PTPRA: variants seen among roughly 807,000 people sequenced by gnomAD.
The protein encoded by PTPRA is receptor-type tyrosine-protein phosphatase alpha.
A neutral mutation model predicts 104.8 loss-of-function variants in PTPRA; 25 were observed. The ratio of observed to expected loss-of-function variants is 0.24; its 90% CI spans 0.17 to 0.33. The LOEUF is 0.33. Among genes scored for constraint, PTPRA ranks in the 10% least tolerant of loss-of-function variants. The pLI is 1.00. For synonymous variants in PTPRA, 323 were observed against 368.9 expected (o/e 0.88, Z 1.43); for missense variants, 765 against 1,015.3 (o/e 0.75, Z 3.35).
At chr20:3,016,218 A>G (rs1320158231) in intron 12 of PTPRA, among the ~76,000 whole-genome samples, 2 of 152,186 alleles carry the variant, frequency 1.3e-5, no homozygotes, top group Admixed American at 6.5e-5. Flanking sequence ...CAGAGTTTGA[A>G]TTAGGAATCA....
chr20:2,966,636 A>G (rs2061956369), intron 5 of PTPRA, among the ~76,000 whole-genome samples: 2 of 152,222 alleles, frequency 1.3e-5, no homozygotes, highest in Admixed American at 1.3e-4. Flanking sequence ...ACTGTGTGCT[A>G]GGCATCGTAC....
chr20:2,954,453 G>T (rs924999021), intron 3 of PTPRA, among the ~76,000 whole-genome samples: 5 of 151,080 alleles, frequency 3.3e-5, no homozygotes, highest in African/African-American at 1.2e-4. Context: ...GAACTTCTGA[G>T]CTCAAGTCAT....
At chr20:3,004,283 G>A (rs564683795) in intron 9 of PTPRA, among the ~76,000 whole-genome samples, 1 of 152,340 alleles carries the variant, frequency 6.6e-6, no homozygotes, top group East Asian at 1.9e-4. Context: ...CTCCCAAAGT[G>A]CTGGGATTAC....
chr20:2,900,689 C>G (rs1413114030), intron 1 of PTPRA, among the ~76,000 whole-genome samples: 1 of 151,466 alleles, frequency 6.6e-6, no homozygotes, highest in Non-Finnish European at 1.5e-5. Flanking sequence ...AACCCCATCT[C>G]TACTAAAAAT....
intron 2 of PTPRA, among the ~76,000 whole-genome samples, chr20:2,947,165 T>TTA (rs1290461269): frequency 1.3e-5 from 2 of 152,234 alleles, no homozygotes; most frequent in African/African-American, 4.8e-5. Context: ...TTGCTTTATA[T>TTA]AAGTTCCAGA....
intron 20 of PTPRA, among the ~76,000 whole-genome samples, chr20:3,032,611 C>G (rs981077534): frequency 6.6e-6 from 1 of 151,748 alleles, no homozygotes; most frequent in African/African-American, 2.4e-5. Flanking sequence ...ACTAAAAATA[C>G]AAAAATTAGC....
At chr20:2,910,556 T>C (rs1161231) in intron 1 of PTPRA, among the ~76,000 whole-genome samples, 40,615 of 72,938 alleles carry the variant, frequency 0.56, 13,222 homozygotes, top group East Asian at 0.81. Context: ...GGACTACAGG[T>C]GTGTGCTATC....
upstream of PTPRA, among the ~76,000 whole-genome samples, chr20:2,869,977 A>T (rs982474022): frequency 1.3e-5 from 2 of 150,026 alleles, no homozygotes; most frequent in Non-Finnish European, 3.0e-5. Flanking sequence ...CTGTCTTAAA[A>T]ATATATATAT....
chr20:3,033,077 G>A (rs1042798687), intron 20 of PTPRA, among the ~76,000 whole-genome samples: 2 of 151,830 alleles, frequency 1.3e-5, no homozygotes, highest in Admixed American at 1.3e-4. Context: ...CTAGACTCGG[G>A]CGCTAGCCCA....
intron 2 of PTPRA, among the ~76,000 whole-genome samples, chr20:2,927,230 G>A (rs1466344390): frequency 1.3e-5 from 2 of 152,104 alleles, no homozygotes; most frequent in Non-Finnish European, 2.9e-5. Flanking sequence ...TTATAGCTAA[G>A]TAAATATTGT....
At chr20:2,984,563 A>G (rs990870534) in intron 6 of PTPRA, among the ~76,000 whole-genome samples, 3 of 152,186 alleles carry the variant, frequency 2.0e-5, no homozygotes, top group African/African-American at 7.2e-5. Context: ...GCTACTGCTT[A>G]TGGGTCAGTT....
At chr20:3,009,375 A>C (rs2064047870) in intron 11 of PTPRA, among the ~76,000 whole-genome samples, 1 of 152,126 alleles carries the variant, frequency 6.6e-6, no homozygotes, top group Admixed American at 6.5e-5. Flanking sequence ...TGCTTCAAGT[A>C]GTCAGCCAAG....
At chr20:2,875,728 T>C (rs141110289) in intron 1 of PTPRA, among the ~76,000 whole-genome samples, 1 of 152,308 alleles carries the variant, frequency 6.6e-6, no homozygotes, top group East Asian at 1.9e-4. Context: ...TTATTCCTAC[T>C]CTACAGGGTT....
chr20:2,910,011 C>CAT (rs200690952), intron 1 of PTPRA, among the ~76,000 whole-genome samples: 54,449 of 99,838 alleles, frequency 0.55, 12,964 homozygotes, highest in East Asian at 0.77. Context: ...TATCATATAT[C>CAT]ATATATAATC....
chr20:3,014,351 C>T (rs1600254892), intron 11 of PTPRA, among the ~76,000 whole-genome samples: 1 of 152,250 alleles, frequency 6.6e-6, no homozygotes, highest in East Asian at 1.9e-4. Flanking sequence ...GAAAGTGGCT[C>T]CTCAGACCAG....
chr20:2,993,699 A>G (rs1486374740), intron 9 of PTPRA, among the ~76,000 whole-genome samples: 1 of 152,228 alleles, frequency 6.6e-6, no homozygotes, highest in Non-Finnish European at 1.5e-5. Flanking sequence ...GTTCACATGG[A>G]GACTTCGCCT....
the PTPRA span, chr20:2,864,879 G>A: frequency 9.5e-5 from 145 of 1,532,602 alleles, no homozygotes; most frequent in Non-Finnish European, 1.2e-4. The surrounding 1 kb of genome is among the most constrained non-coding windows in gnomAD (Gnocchi z 5.2). Flanking sequence ...TGACCCTGGC[G>A]ACCCTGGGCA....
intron 11 of PTPRA, among the ~76,000 whole-genome samples, chr20:3,008,284 C>A (rs6138978): frequency 0.2 from 31,094 of 152,038 alleles, 3,617 homozygotes; most frequent in East Asian, 0.39. Context: ...TGTTATTCAG[C>A]CTTTAAAAGG....
chr20:2,910,278 C>T (rs2147211527), intron 1 of PTPRA, among the ~76,000 whole-genome samples: 1 of 99,044 alleles, frequency 1.0e-5, no homozygotes, highest in African/African-American at 3.8e-5. Context: ...GGAGGGTATG[C>T]ATTATATATA....
Sources: allele counts gnomAD v4.1 joint callset (sites outside exome capture counted in the v4.1 genomes callset), GRCh38; gene constraint gnomAD v4.1.1; non-coding constraint Gnocchi (gnomAD v3.1); transcripts MANE v1.5; gene names NCBI Gene and HGNC (gene_info 2026-07-23, HGNC 2026-07-21).